Variants in GRM8 observed in about 807,000 individuals in gnomAD.
GRM8 encodes the protein metabotropic glutamate receptor 8.
GRM8 carries 47 observed loss-of-function variants against 87.2 expected under a neutral mutation model. The ratio of observed to expected loss-of-function variants is 0.54; its 90% CI spans 0.43 to 0.69. GRM8 has a LOEUF of 0.69. GRM8 is among the 30% of genes least tolerant of loss of function. GRM8 has a pLI of 0.00. For synonymous variants in GRM8, 396 were observed against 404.5 expected (o/e 0.98, Z 0.25); for missense variants, 1,019 against 1,139.2 (o/e 0.89, Z 1.52).
At chr7:126,630,228 G>A (rs1801127342) in intron 7 of GRM8, among the ~76,000 whole-genome samples, 1 of 151,796 alleles carries the variant, frequency 6.6e-6, no homozygotes, top group African/African-American at 2.4e-5. Context: ...TAAAATCATA[G>A]AGTGCTATTT....
intron 9 of GRM8, among the ~76,000 whole-genome samples, chr7:126,502,511 G>A (rs1809798119): frequency 6.6e-6 from 1 of 152,046 alleles, no homozygotes; most frequent in South Asian, 2.1e-4. Flanking sequence ...ATGAATATTT[G>A]CATTTGACTT....
rs1188766130 is a variant in GRM8, at chr7:126,912,132, GC to G, written c.728-7450del. Among the ~76,000 whole-genome samples, 16 of 152,268 alleles carry G rather than the reference GC, an allele frequency of 1.1e-4. No homozygotes were observed. In the East Asian group the frequency reaches 3.1e-3, roughly 29 times the overall value. The stretch of plus-strand genomic sequence containing the variant: ...GAACGGCGTGAACCCGGGAGGCGGA[GC>G]TTGCAGTGAGCCGAGATCCCGCCAC... On this transcript the variant is annotated intron_variant, in intron 3 of 10. Coordinates refer to ENST00000339582, the MANE Select transcript of GRM8 (RefSeq NM_000845.3).
intron 7 of GRM8, among the ~76,000 whole-genome samples, chr7:126,762,466 C>T (rs992559923): frequency 6.6e-6 from 1 of 151,988 alleles, no homozygotes; most frequent in African/African-American, 2.4e-5. Flanking sequence ...GTTATGCCAA[C>T]TTTACTGAGA....
intron 6 of GRM8, among the ~76,000 whole-genome samples, chr7:126,805,124 C>T (rs993737429): frequency 2.0e-5 from 3 of 152,094 alleles, no homozygotes; most frequent in African/African-American, 2.4e-5. Flanking sequence ...AAAGCCAAAC[C>T]GTAACTCCTA....
intron 2 of GRM8, among the ~76,000 whole-genome samples, chr7:127,152,782 A>G (rs530725463): frequency 1.9e-4 from 29 of 152,276 alleles, no homozygotes; most frequent in Non-Finnish European, 3.1e-4. Flanking sequence ...AAGATCACCA[A>G]AGGAATTTAC....
intron 2 of GRM8, among the ~76,000 whole-genome samples, chr7:127,230,782 A>G (rs905714100): frequency 2.6e-5 from 4 of 152,120 alleles, no homozygotes; most frequent in Non-Finnish European, 4.4e-5. Flanking sequence ...CCAAGCTGGT[A>G]CCCTGATCTC....
intron 8 of GRM8, among the ~76,000 whole-genome samples, chr7:126,590,039 T>C (rs1796531022): frequency 6.6e-6 from 1 of 151,504 alleles, no homozygotes; most frequent in Non-Finnish European, 1.5e-5. Context: ...AGTCTTGATA[T>C]GCCAGAAAAA....
At chr7:127,015,735 T>C (rs1815598751) in intron 3 of GRM8, among the ~76,000 whole-genome samples, 1 of 152,066 alleles carries the variant, frequency 6.6e-6, no homozygotes, top group Admixed American at 6.6e-5. Flanking sequence ...CAGGACTGGT[T>C]GTTACTCTAT....
At chr7:126,621,586 T>C (rs1800181094) in intron 7 of GRM8, among the ~76,000 whole-genome samples, 1 of 152,032 alleles carries the variant, frequency 6.6e-6, no homozygotes, top group Non-Finnish European at 1.5e-5. Context: ...GCCTGGCCAA[T>C]TTTTGTAGTT....
intron 6 of GRM8, among the ~76,000 whole-genome samples, chr7:126,855,688 C>T (rs4731333): frequency 1.3e-5 from 2 of 152,060 alleles, no homozygotes. Flanking sequence ...GTTGGCAAGG[C>T]TGGTCTCAAA....
At chr7:126,782,631 G>C (rs76292481) in intron 6 of GRM8, among the ~76,000 whole-genome samples, 1,529 of 152,218 alleles carry the variant, frequency 0.01, 26 homozygotes, top group Admixed American at 0.03. Flanking sequence ...ACAGCTTTTG[G>C]TTTTGAAAAC....
intron 8 of GRM8, among the ~76,000 whole-genome samples, chr7:126,588,747 C>A (rs573420390): frequency 6.6e-6 from 1 of 152,240 alleles, no homozygotes; most frequent in Admixed American, 6.5e-5. Context: ...AATCCACAGA[C>A]CCTTTGAAGG....
At chr7:126,916,213 T>C (rs1219525097) in intron 3 of GRM8, among the ~76,000 whole-genome samples, 1 of 152,210 alleles carries the variant, frequency 6.6e-6, no homozygotes, top group East Asian at 1.9e-4. Context: ...AAAACAGCAT[T>C]AGACTTTGAA....
At chr7:127,047,614 G>A (rs1224783650) in intron 3 of GRM8, among the ~76,000 whole-genome samples, 1 of 152,004 alleles carries the variant, frequency 6.6e-6, no homozygotes, top group Non-Finnish European at 1.5e-5. Flanking sequence ...GTATCAGATT[G>A]AGCCCAGGAG....
At chr7:127,178,455 T>C (rs1415950465) in intron 2 of GRM8, among the ~76,000 whole-genome samples, 1 of 148,826 alleles carries the variant, frequency 6.7e-6, no homozygotes, top group African/African-American at 2.5e-5. Context: ...AAAATTTCCT[T>C]GGCCTTGCTA....
At chr7:126,913,700 A>G (rs932899213) in intron 3 of GRM8, among the ~76,000 whole-genome samples, 10 of 152,220 alleles carry the variant, frequency 6.6e-5, no homozygotes, top group African/African-American at 2.4e-4. Context: ...CTTTAGTGGT[A>G]GTTGAGTAAA....
intron 3 of GRM8, among the ~76,000 whole-genome samples, chr7:126,975,956 A>G (rs951075178): frequency 6.6e-6 from 1 of 152,114 alleles, no homozygotes; most frequent in Admixed American, 6.5e-5. Flanking sequence ...AATTATTATT[A>G]ATTTTCTAAC....
At position 126,896,947 on chromosome 7, in the gene GRM8, C is replaced by T. The variant is rs190204647; in HGVS notation, c.1156+5595G>A. Among the ~76,000 whole-genome samples, 438 of 152,244 alleles carry T rather than the reference C, an allele frequency of 2.9e-3. 2 individuals carry two copies. Among genetic ancestry groups the T allele is most frequent in the Non-Finnish European group, 4.6e-3 (312 of 67,996 alleles). Reference sequence around the variant, plus strand: ...TGAGCTCCTTGAGAGCAAGGGAGGTCTGTTGTTTGTCTCTCTATCTGAAGC... The same window carrying T: ...TGAGCTCCTTGAGAGCAAGGGAGGTTTGTTGTTTGTCTCTCTATCTGAAGC... On this transcript the variant is annotated intron_variant, in intron 6 of 10. Transcript: ENST00000339582.
At chr7:126,593,094 G>A (rs937011717) in intron 8 of GRM8, among the ~76,000 whole-genome samples, 1 of 151,790 alleles carries the variant, frequency 6.6e-6, no homozygotes, top group Non-Finnish European at 1.5e-5. Flanking sequence ...TGAAATACTG[G>A]TGAAAAAATT....
Sources: allele counts gnomAD v4.1 joint callset (sites outside exome capture counted in the v4.1 genomes callset), GRCh38; gene constraint gnomAD v4.1.1; transcripts MANE v1.5; gene names NCBI Gene and HGNC (gene_info 2026-07-23, HGNC 2026-07-21).